NCK2: variants seen among roughly 807,000 people sequenced by gnomAD.
NCK2 encodes the protein cytoplasmic protein NCK2.
In NCK2, 16 loss-of-function variants were observed where a neutral mutation model predicts 33.9. The ratio of observed to expected loss-of-function variants is 0.47; its 90% CI spans 0.32 to 0.72. NCK2 has a LOEUF of 0.72. Ranked by LOEUF, NCK2 falls within the 30% of genes least tolerant of loss-of-function variation. The pLI is 0.03. For missense variants in NCK2, 418 were observed against 537.3 expected, an observed-to-expected ratio of 0.78 and a Z score of 2.19; for synonymous variants, 273 against 239.9, an observed-to-expected ratio of 1.14 and a Z score of -1.27.
intron 1 of NCK2, among the ~76,000 whole-genome samples, chr2:105,804,307 G>C (rs1674949881): frequency 6.6e-6 from 1 of 152,228 alleles, no homozygotes; most frequent in African/African-American, 2.4e-5. Flanking sequence ...ACTGGATGAG[G>C]ATTATCTGAG....
At chr2:105,777,809 C>T (rs762103396) in intron 1 of NCK2, among the ~76,000 whole-genome samples, 3 of 152,136 alleles carry the variant, frequency 2.0e-5, no homozygotes, top group Non-Finnish European at 4.4e-5. Flanking sequence ...GAAACAAACA[C>T]GTGCATCTTG....
chr2:105,831,004 G>A (rs1676164717), intron 2 of NCK2, among the ~76,000 whole-genome samples: 1 of 152,052 alleles, frequency 6.6e-6, no homozygotes, highest in Non-Finnish European at 1.5e-5. Context: ...TGAATAGTTT[G>A]CAAATACTTT....
At chr2:105,778,946 C>CT (rs1558832932) in intron 1 of NCK2, among the ~76,000 whole-genome samples, 1 of 151,758 alleles carries the variant, frequency 6.6e-6, no homozygotes, top group East Asian at 1.9e-4. Context: ...TTAAGAATAT[C>CT]TTTTTTAAAC....
intron 1 of NCK2, among the ~76,000 whole-genome samples, chr2:105,785,316 T>G (rs2104411781): frequency 6.6e-6 from 1 of 152,274 alleles, no homozygotes; most frequent in Non-Finnish European, 1.5e-5. Context: ...ATGCTGTGTG[T>G]GTCCAAGTGT....
intron 1 of NCK2, among the ~76,000 whole-genome samples, chr2:105,756,955 A>G (rs978243841): frequency 6.6e-6 from 1 of 151,980 alleles, no homozygotes; most frequent in African/African-American, 2.4e-5. Flanking sequence ...ACAGGCATAC[A>G]CCACCATGCC....
chr2:105,875,696 G>A (rs945575693), intron 3 of NCK2, among the ~76,000 whole-genome samples: 6 of 152,194 alleles, frequency 3.9e-5, no homozygotes, highest in East Asian at 1.9e-4. Flanking sequence ...ACCAGACACC[G>A]AATCTCCTGG....
In NCK2 at chr2:105,833,017, TA is replaced by T. The variant is rs1676259004; in HGVS notation, c.-17+16407del. On this transcript the variant is annotated intron_variant, in intron 2 of 4. Coordinates refer to ENST00000233154, the MANE Select transcript of NCK2 (RefSeq NM_003581.5). The stretch of plus-strand genomic sequence containing the variant: ...TTGGGAGACTTTTTTTTTTTTTTTT[TA>T]AATGGATTCAGTCTTGTTGCTCATT... Among the ~76,000 whole-genome samples, 9 of 134,788 alleles carry T rather than the reference TA, an allele frequency of 6.7e-5. No individual in the cohort carries two copies. In the South Asian group the frequency reaches 1.2e-3, roughly 18 times the overall value. The allele number at this position is 134,788 out of a possible 152,430, so 88.4% of individuals were successfully genotyped here. A position where few individuals can be genotyped will look rare whatever the true frequency, so the allele number is the denominator to read the frequency against.
chr2:105,822,887 C>T (rs571039781), intron 2 of NCK2, among the ~76,000 whole-genome samples: 12 of 152,070 alleles, frequency 7.9e-5, no homozygotes, highest in East Asian at 1.9e-4. Context: ...TTGCCTAGTA[C>T]GGCCCAGCGT....
chr2:105,842,970 C>T (rs1008435189), intron 2 of NCK2, among the ~76,000 whole-genome samples: 1 of 152,138 alleles, frequency 6.6e-6, no homozygotes, highest in Non-Finnish European at 1.5e-5. Context: ...TCAGGCTTCA[C>T]AGCACAGTTT....
intron 1 of NCK2, among the ~76,000 whole-genome samples, chr2:105,777,237 G>A (rs12475901): frequency 0.15 from 23,049 of 152,128 alleles, 2,126 homozygotes; most frequent in Admixed American, 0.22. Context: ...CCATAGCCAC[G>A]AGCCGGGGTG....
At chr2:105,892,845 CAA>C (rs34235939) in intron 4 of NCK2, 135 bp from the exon 5 acceptor site, 9,139 of 459,132 alleles carry the variant, frequency 0.02, no homozygotes, top group South Asian at 0.037. Context: ...AACTCCATCT[CAA>C]AAAAAAAAAA....
intron 1 of NCK2, among the ~76,000 whole-genome samples, chr2:105,764,788 ATCCTTGTAAGTATTTATAACT>A (rs1273957485): frequency 8.5e-5 from 13 of 152,356 alleles, no homozygotes; most frequent in Non-Finnish European, 1.6e-4. Context: ...TTTGCAGCTC[ATCCTTGTAAGTATTTATAACT>A]TTTGTATAAT....
intron 2 of NCK2, chr2:105,848,744 T>C (rs1173089640): frequency 6.6e-6 from 1 of 152,168 alleles, no homozygotes; most frequent in African/African-American, 2.4e-5. Context: ...CCAAATGATA[T>C]CTACTAAAAG....
At chr2:105,874,596 C>T (rs918857430) in intron 3 of NCK2, among the ~76,000 whole-genome samples, 2 of 152,222 alleles carry the variant, frequency 1.3e-5, no homozygotes, top group Non-Finnish European at 2.9e-5. Context: ...AACTTGAGCA[C>T]ACCGCGTCTA....
chr2:105,876,509 G>C (rs1301784810), intron 3 of NCK2, among the ~76,000 whole-genome samples: 3 of 152,222 alleles, frequency 2.0e-5, no homozygotes, highest in Non-Finnish European at 2.9e-5. Flanking sequence ...AGAAAGACTG[G>C]TGAGCAGGGG....
intron 3 of NCK2, among the ~76,000 whole-genome samples, chr2:105,879,621 C>G (rs1678386149): frequency 6.6e-6 from 1 of 152,262 alleles, no homozygotes; most frequent in Non-Finnish European, 1.5e-5. Context: ...ATAAATGAAT[C>G]AGTGTATTTG....
chr2:105,752,830 A>G (rs561678665), intron 1 of NCK2, among the ~76,000 whole-genome samples: 1 of 152,244 alleles, frequency 6.6e-6, no homozygotes, highest in East Asian at 1.9e-4. Context: ...TGTAGTATTC[A>G]TATTTCTGAT....
At chr2:105,883,788 C>T (rs746094550) in intron 4 of NCK2, among the ~76,000 whole-genome samples, 7 of 152,196 alleles carry the variant, frequency 4.6e-5, no homozygotes, top group African/African-American at 7.2e-5. Flanking sequence ...AACTAAAGCA[C>T]GAATTGTTTG....
chr2:105,874,677 CCAG>C (rs1678164485), intron 3 of NCK2, among the ~76,000 whole-genome samples: 1 of 152,204 alleles, frequency 6.6e-6, no homozygotes, highest in Non-Finnish European at 1.5e-5. Flanking sequence ...CTCCCGAACT[CCAG>C]CTGGAAGATG....
Sources: allele counts gnomAD v4.1 joint callset (sites outside exome capture counted in the v4.1 genomes callset), GRCh38; gene constraint gnomAD v4.1.1; transcripts MANE v1.5; gene names NCBI Gene and HGNC (gene_info 2026-07-23, HGNC 2026-07-21).